PCDHA6: variants seen among roughly 807,000 people sequenced by gnomAD.
PCDHA6 encodes the protein protocadherin alpha-6.
Under a neutral mutation model 60.3 loss-of-function variants are expected in PCDHA6, and 55 were observed. That is an observed-to-expected ratio of 0.91 (90% CI 0.73 to 1.14). The LOEUF is 1.14. PCDHA6 is among the 50% of genes most tolerant of loss of function. The pLI is 0.00. For missense variants in PCDHA6, 1,327 were observed against 1,256.5 expected (o/e 1.06, Z -0.85); for synonymous variants, 652 against 557.9 (o/e 1.17, Z -2.38).
At chr5:140,903,386 T>C (rs1053060392) in intron 1 of PCDHA6, among the ~76,000 whole-genome samples, 3 of 152,222 alleles carry the variant, frequency 2.0e-5, no homozygotes, top group Non-Finnish European at 4.4e-5. Context: ...TTGTGGTTAC[T>C]TCTAGAAACA....
chr5:140,830,470 AG>A lies in PCDHA6; in HGVS notation c.2380del (p.Asp794IlefsTer19). On this transcript the variant is annotated frameshift_variant, in exon 1 of 4. Transcript: ENST00000529310. LOFTEE classifies it high-confidence loss of function. ...AGGCGGAGAATCAGGATTTAAATGA[AG>A]ATCATGATGCCAAAGTAAGTGAATT... is the stretch of plus-strand genomic sequence containing the variant. ...GKAENQDLNE[D>X]HDAKPRQPNP... The A allele has an allele frequency of 1.3e-6, 2 of 1,563,546 alleles. No individual in the cohort carries two copies.
At chr5:140,947,601 A>G (rs1296948194) in intron 1 of PCDHA6, among the ~76,000 whole-genome samples, 1 of 151,680 alleles carries the variant, frequency 6.6e-6, no homozygotes, top group Non-Finnish European at 1.5e-5. Context: ...TTTAGGGAAG[A>G]TTTGGTATCT....
chr5:140,846,559 A>G (rs1780557744), intron 1 of PCDHA6, among the ~76,000 whole-genome samples: 1 of 147,840 alleles, frequency 6.8e-6, no homozygotes, highest in South Asian at 2.1e-4. Context: ...TATTTTTAGT[A>G]GAGTCGGGGT....
intron 3 of PCDHA6, 49 bp downstream of exon 3, chr5:140,982,612 C>A (rs782489208): frequency 6.3e-7 from 1 of 1,599,358 alleles, no homozygotes; most frequent in Admixed American, 1.7e-5. Context: ...GGAAAGTGAT[C>A]AGATGACCTA....
intron 1 of PCDHA6, chr5:140,968,461 C>G (rs141568667): frequency 1.4e-5 from 22 of 1,614,078 alleles, no homozygotes; most frequent in Non-Finnish European, 1.9e-5. Context: ...CTGTGACTGC[C>G]AACGTATATG....
intron 1 of PCDHA6, chr5:140,843,055 C>A (rs2150351247): frequency 3.1e-6 from 5 of 1,595,020 alleles, no homozygotes; most frequent in Admixed American, 1.7e-5. Context: ...GCGCAGCGAG[C>A]AAGCTGGTGC....
chr5:140,927,478 C>T (rs959432734), intron 1 of PCDHA6: 12 of 1,613,944 alleles, frequency 7.4e-6, no homozygotes, highest in African/African-American at 1.3e-5. Flanking sequence ...TCGCGAACAG[C>T]GCGCCACCCA....
At chr5:140,934,899 T>G (rs1320708660) in intron 1 of PCDHA6, among the ~76,000 whole-genome samples, 2 of 152,184 alleles carry the variant, frequency 1.3e-5, no homozygotes, top group Non-Finnish European at 2.9e-5. Flanking sequence ...AACCTTTTAT[T>G]TTGGAATAAT....
intron 1 of PCDHA6, chr5:140,969,117 A>C (rs1554231477): frequency 6.2e-7 from 1 of 1,614,178 alleles, no homozygotes; most frequent in Admixed American, 1.7e-5. Flanking sequence ...GTTCGAGGGA[A>C]TGGCTCCCTC....
At chr5:140,911,716 T>A (rs2075609522) in intron 1 of PCDHA6, among the ~76,000 whole-genome samples, 1 of 151,644 alleles carries the variant, frequency 6.6e-6, no homozygotes, top group Non-Finnish European at 1.5e-5. Context: ...TTTGTGTAAC[T>A]CTGTAAACAG....
intron 1 of PCDHA6, chr5:140,969,487 T>C: frequency 6.8e-7 from 1 of 1,460,090 alleles, no homozygotes; most frequent in Non-Finnish European, 9.1e-7. Flanking sequence ...TAATCTGCTA[T>C]TTCCTCTCTA....
intron 1 of PCDHA6, among the ~76,000 whole-genome samples, chr5:140,937,247 C>T (rs1370735573): frequency 6.6e-6 from 1 of 151,974 alleles, no homozygotes; most frequent in Non-Finnish European, 1.5e-5. Context: ...CCGTGTTAGC[C>T]AGGATGGTCT....
At chr5:140,937,378 G>A (rs1248709474) in intron 1 of PCDHA6, among the ~76,000 whole-genome samples, 2 of 152,248 alleles carry the variant, frequency 1.3e-5, no homozygotes, top group East Asian at 1.9e-4. Context: ...GTTTATGTGT[G>A]TGTATGTGTA....
chr5:140,971,902 T>G (rs1554233695), intron 1 of PCDHA6, among the ~76,000 whole-genome samples: 2 of 152,280 alleles, frequency 1.3e-5, no homozygotes, highest in Admixed American at 1.3e-4. Flanking sequence ...GGTTAGGTAA[T>G]CTACACAGCC....
rs2150172119 is a variant in PCDHA6, at chr5:140,829,651, G to A, written c.1560G>A (p.Leu520=). ...VHAESGKVYA[L]QPLDHEELEL... ...CGGAGAGCGGCAAGGTGTACGCGCT[G>A]CAGCCGCTGGACCACGAGGAGCTAG... Residue 520 remains leucine (L), a synonymous_variant, in exon 1 of 4, where the codon CTG becomes CTA. Transcript: ENST00000529310. 1 of 1,612,432 alleles carries A rather than the reference G, an allele frequency of 6.2e-7. No homozygotes were observed. Among genetic ancestry groups the A allele is most frequent in the South Asian group, 1.1e-5 (1 of 91,020 alleles).
chr5:140,967,218 C>T, intron 1 of PCDHA6: 3 of 1,613,744 alleles, frequency 1.9e-6, no homozygotes, highest in South Asian at 1.1e-5. Flanking sequence ...TTCCCGCGGC[C>T]CAACTACCAG....
At position 140,915,662 on chromosome 5, in the gene PCDHA6, G is replaced by T. The variant is rs75670796; in HGVS notation, c.2395-63287G>T. On this transcript the variant is annotated intron_variant, in intron 1 of 3. Transcript: ENST00000529310. ...TCTCTCTCTCTCTCTCTCTCAAGGT[G>T]CTGGGCCATCTTGAACTAGGGGTAT... is the stretch of plus-strand genomic sequence containing the variant. 8.2e-3 allele frequency among the ~76,000 whole-genome samples: 1,195 copies of T among 145,332 alleles called. 7 individuals are homozygous for T. Among genetic ancestry groups the T allele is most frequent in the African/African-American group, 0.02 (782 of 39,430 alleles).
chr5:140,883,791 T>C, intron 1 of PCDHA6: 3 of 1,612,422 alleles, frequency 1.9e-6, no homozygotes, highest in Middle Eastern at 3.9e-4. Flanking sequence ...TCGAGCTACG[T>C]GTCGGTGCAC....
intron 1 of PCDHA6, chr5:140,836,153 G>T: frequency 6.2e-7 from 1 of 1,613,816 alleles, no homozygotes; most frequent in Non-Finnish European, 8.5e-7. Context: ...CGGGCCATGT[G>T]GTGGCGAAGG....
Sources: gnomAD v4.1 joint callset for allele counts (sites outside exome capture counted in the v4.1 genomes callset) on GRCh38, gnomAD v4.1.1 for gene constraint, MANE v1.5 for transcripts, NCBI Gene and HGNC (gene_info 2026-07-23, HGNC 2026-07-21) for gene names.